Variants in GULP1 observed in about 807,000 individuals in gnomAD.
The protein encoded by GULP1 is GULP PTB domain containing engulfment adaptor 1, also known as PTB domain-containing engulfment adapter protein 1.
A neutral mutation model predicts 40.9 loss-of-function variants in GULP1; 19 were observed. The ratio of observed to expected loss-of-function variants is 0.46; its 90% CI spans 0.32 to 0.68. The LOEUF (loss-of-function observed/expected upper bound fraction) is 0.68, where lower values mean the gene tolerates loss of function less well. Ranked by LOEUF, GULP1 falls within the 30% of genes least tolerant of loss-of-function variation. GULP1 has a pLI of 0.03. For missense variants in GULP1, 312 were observed against 362.2 expected (o/e 0.86, Z 1.12); for synonymous variants, 119 against 117.6 (o/e 1.01, Z -0.08).
At chr2:188,553,510 T>G (rs1030548854) in intron 7 of GULP1, among the ~76,000 whole-genome samples, 3 of 152,054 alleles carry the variant, frequency 2.0e-5, no homozygotes, top group Non-Finnish European at 2.9e-5. Flanking sequence ...CTGGTATAAA[T>G]CCCACTCAAT....
chr2:188,566,662 G>A lies in GULP1; in HGVS notation c.400-2577G>A, dbSNP rs186468322. Among the ~76,000 whole-genome samples the A allele has an allele frequency of 7.9e-4, 120 of 151,714 alleles. 1 individual carries two copies. The highest frequency in any genetic ancestry group is 2.8e-3 in the African/African-American group (116 of 41,426). Reference sequence around the variant, plus strand: ...ATAAAAAAAATTAGCTGGGTGTGGTGGTGCGTGCCTGTAGTCCCAGCTACT... The same window carrying A: ...ATAAAAAAAATTAGCTGGGTGTGGTAGTGCGTGCCTGTAGTCCCAGCTACT... On this transcript the variant is annotated intron_variant, in intron 7 of 11. Coordinates refer to ENST00000409830, the MANE Select transcript of GULP1 (RefSeq NM_016315.4).
At chr2:188,374,856 A>G (rs1352388252) in intron 1 of GULP1, among the ~76,000 whole-genome samples, 1 of 152,124 alleles carries the variant, frequency 6.6e-6, no homozygotes, top group African/African-American at 2.4e-5. Flanking sequence ...AGCATAGTGT[A>G]TGTATAAACA....
intron 1 of GULP1, among the ~76,000 whole-genome samples, chr2:188,379,185 T>A (rs1194159927): frequency 2.0e-5 from 3 of 152,134 alleles, no homozygotes; most frequent in Admixed American, 2.0e-4. Flanking sequence ...TAACAGCACA[T>A]GCAATGGAAA....
intron 4 of GULP1, among the ~76,000 whole-genome samples, chr2:188,506,662 A>C (rs2063948504): frequency 6.6e-6 from 1 of 152,022 alleles, no homozygotes; most frequent in Non-Finnish European, 1.5e-5. Flanking sequence ...AGCAGAGCCA[A>C]GATTCAAATC....
At chr2:188,323,327 A>G (rs111787393) in intron 1 of GULP1, among the ~76,000 whole-genome samples, 4 of 152,166 alleles carry the variant, frequency 2.6e-5, no homozygotes, top group African/African-American at 9.6e-5. Context: ...CATGGGTTTT[A>G]GAGTCAGGTA....
At chr2:188,348,822 C>T (rs2044058380) in intron 1 of GULP1, among the ~76,000 whole-genome samples, 1 of 152,120 alleles carries the variant, frequency 6.6e-6, no homozygotes, top group Non-Finnish European at 1.5e-5. Flanking sequence ...GAACCAGTCC[C>T]CCTCCGATAT....
intron 1 of GULP1, among the ~76,000 whole-genome samples, chr2:188,323,246 T>G (rs1433263326): frequency 6.6e-6 from 1 of 152,036 alleles, no homozygotes; most frequent in African/African-American, 2.4e-5. Flanking sequence ...TTGTACTTCC[T>G]GCGATTTTAT....
intron 2 of GULP1, among the ~76,000 whole-genome samples, chr2:188,384,603 C>T (rs752226612): frequency 6.6e-6 from 1 of 152,136 alleles, no homozygotes; most frequent in Non-Finnish European, 1.5e-5. Context: ...CTCATTTCAG[C>T]GTCAACTCAA....
intron 1 of GULP1, among the ~76,000 whole-genome samples, chr2:188,354,442 C>T (rs1324856593): frequency 2.0e-5 from 3 of 152,168 alleles, no homozygotes; most frequent in Non-Finnish European, 4.4e-5. Context: ...GAGGGTGCCT[C>T]AGAGTCATGG....
chr2:188,416,707 G>T (rs1241444344), intron 2 of GULP1, among the ~76,000 whole-genome samples: 7 of 152,176 alleles, frequency 4.6e-5, no homozygotes, highest in African/African-American at 1.7e-4. Flanking sequence ...GAGACTGTCT[G>T]TGATAATTTA....
At chr2:188,396,801 A>G (rs2152574581) in intron 2 of GULP1, among the ~76,000 whole-genome samples, 1 of 152,326 alleles carries the variant, frequency 6.6e-6, no homozygotes, top group South Asian at 2.1e-4. Context: ...GTTAGCTGGC[A>G]GGCTTCCACG....
intron 11 of GULP1, 41 bp downstream of exon 11, chr2:188,587,990 AT>A (rs1237391438): frequency 1.0e-6 from 1 of 979,330 alleles, no homozygotes. Context: ...GATTTATTTC[AT>A]TTTGATATGG....
At chr2:188,562,973 T>C (rs1696706364) in intron 7 of GULP1, among the ~76,000 whole-genome samples, 1 of 151,988 alleles carries the variant, frequency 6.6e-6, no homozygotes, top group African/African-American at 2.4e-5. Context: ...ATTAAATTAT[T>C]CTTTAACTGA....
At chr2:188,364,838 G>A in intron 1 of GULP1, among the ~76,000 whole-genome samples, 1 of 146,404 alleles carries the variant, frequency 6.8e-6, no homozygotes, top group African/African-American at 2.5e-5. Context: ...TATGATCCAA[G>A]TATATATGTA....
At chr2:188,572,745 AT>A (rs1470904357) in intron 9 of GULP1, among the ~76,000 whole-genome samples, 1 of 152,184 alleles carries the variant, frequency 6.6e-6, no homozygotes, top group Non-Finnish European at 1.5e-5. Context: ...ACTAAGTGAA[AT>A]AAGCCATGCA....
chr2:188,473,109 C>A (rs1411904412), intron 2 of GULP1, among the ~76,000 whole-genome samples: 1 of 152,098 alleles, frequency 6.6e-6, no homozygotes, highest in African/African-American at 2.4e-5. Context: ...GAGTTGACCT[C>A]TTCTCTTCTT....
At chr2:188,323,650 A>ATGTGTG (rs112584285) in intron 1 of GULP1, among the ~76,000 whole-genome samples, 148 of 143,688 alleles carry the variant, frequency 1.0e-3, no homozygotes, top group Non-Finnish European at 1.7e-3. Flanking sequence ...ATCTGAAGAT[A>ATGTGTG]TGTGTGTGTG....
chr2:188,526,602 AAAAAG>A (rs1686214061), intron 5 of GULP1, among the ~76,000 whole-genome samples: 1 of 152,150 alleles, frequency 6.6e-6, no homozygotes. Flanking sequence ...TTTTAGGAAA[AAAAAG>A]AAAGGCAGGA....
chr2:188,569,217 T>A (rs1698496937), intron 7 of GULP1, 22 bp from the exon 8 acceptor site: 3 of 1,181,434 alleles, frequency 2.5e-6, no homozygotes, highest in Non-Finnish European at 2.5e-6. Context: ...AAAATGCAAA[T>A]CTTTGTTTGA....
Sources: gnomAD v4.1 joint callset for allele counts (sites outside exome capture counted in the v4.1 genomes callset) on GRCh38, gnomAD v4.1.1 for gene constraint, MANE v1.5 for transcripts, NCBI Gene and HGNC (gene_info 2026-07-23, HGNC 2026-07-21) for gene names.